The following CARS1 variants were observed in gnomAD, a reference collection of about 807,000 sequenced individuals.
The protein encoded by CARS1 is cysteine--tRNA ligase, cytoplasmic.
Under a neutral mutation model 106.2 loss-of-function variants are expected in CARS1, and 48 were observed. That is an observed-to-expected ratio of 0.45 (90% CI 0.36 to 0.57). The LOEUF (loss-of-function observed/expected upper bound fraction) is 0.57, where lower values mean the gene tolerates loss of function less well. Ranked by LOEUF, CARS1 falls within the 20% of genes least tolerant of loss-of-function variation. The pLI is 0.00. For missense variants in CARS1, 968 were observed against 1,057.2 expected (o/e 0.92, Z 1.17); for synonymous variants, 409 against 403.4 (o/e 1.01, Z -0.17).
At position 3,038,128 on chromosome 11, in the gene CARS1, T is replaced by C. The variant is rs756087860; in HGVS notation, c.723A>G (p.Ala241=). The C allele has an allele frequency of 3.7e-6, 6 of 1,614,150 alleles. No homozygotes were observed. Among genetic ancestry groups the C allele is most frequent in the Admixed American group, 1.7e-5 (1 of 60,036 alleles). ...KKQMLERIQH[A]VQLATEPLEK... ...CAAGTGGCTCTGTGGCAAGCTGCAC[T>C]GCGTGCTGAATCCGTTCGAGCATCT... The change falls in exon 7 of 23, where the codon GCA becomes GCG. Residue 241 remains alanine, a synonymous_variant. Transcript: ENST00000380525. This position sits in a 1 kb window ranked among gnomAD's most constrained non-coding sequence, Gnocchi z 4.0.
rs1176557686 is a variant in CARS1 at position 3,022,070 on chromosome 11, C to G, written c.1154-1738G>C. Among the ~76,000 whole-genome samples, 3 of 152,158 alleles carry G rather than the reference C, an allele frequency of 2.0e-5. No homozygotes were observed. Among genetic ancestry groups the G allele is most frequent in the Non-Finnish European group, 4.4e-5 (3 of 68,026 alleles). On this transcript the variant is annotated intron_variant, in intron 10 of 22. Transcript: ENST00000380525. This position sits in a 1 kb window ranked among gnomAD's most constrained non-coding sequence, Gnocchi z 4.9. ...TGCCCTCATAGGGTTAATGAGAATT[C>G]CAAGGCAGGCTATAGGCAGAATGAT... is the stretch of plus-strand genomic sequence containing the variant.
chr11:3,040,611 T>G lies in CARS1; in HGVS notation c.455+285A>C, dbSNP rs1854318504. ...AGGGATGAGAGAAAACTTTAAGGTA[T>G]GTGAGAAAAAGTGCCCAGGTCGAGT... is the stretch of plus-strand genomic sequence containing the variant. On this transcript the variant is annotated intron_variant, in intron 4 of 22. Transcript: ENST00000380525. This position sits in a 1 kb window ranked among gnomAD's most constrained non-coding sequence, Gnocchi z 5.8. 4 of 601,376 alleles carry G rather than the reference T, an allele frequency of 6.7e-6. No homozygotes were observed. The highest frequency in any genetic ancestry group is 1.2e-5 in the Non-Finnish European group (4 of 322,070). 37.3% of individuals were successfully genotyped at this position (601,376 alleles called of 1,614,324 possible). A position where few individuals can be genotyped will look rare whatever the true frequency, so the allele number is the denominator to read the frequency against.
intron 10 of CARS1, among the ~76,000 whole-genome samples, chr11:3,024,381 C>G (rs1307291935): frequency 5.3e-5 from 8 of 152,146 alleles, no homozygotes; most frequent in African/African-American, 1.7e-4. Flanking sequence ...TTCAACCCCC[C>G]AGACAAGTTT....
At chr11:3,018,031 C>T (rs1851216261) in intron 14 of CARS1, 77 bp from the exon 15 acceptor site, 1 of 896,274 alleles carries the variant, frequency 1.1e-6, no homozygotes, top group South Asian at 1.5e-5. Flanking sequence ...CTTTCTACTG[C>T]TGTGATTTTA....
intron 7 of CARS1, among the ~76,000 whole-genome samples, chr11:3,032,525 C>T (rs1466494576): frequency 6.6e-6 from 1 of 152,124 alleles, no homozygotes; most frequent in East Asian, 1.9e-4. Context: ...TTTAGGACTC[C>T]CAGCTGATGC....
chr11:3,012,280 C>A lies in CARS1; in HGVS notation c.1987-4G>T. ...AGGGCATGACTGTGGCCTCGAGCTG[C>A]GGAAAGAACAGTTTTGGTTCACTGA... On this transcript the variant is annotated splice_region_variant and splice_polypyrimidine_tract_variant and intron_variant, in intron 17 of 22. Coordinates refer to ENST00000380525, the MANE Select transcript of CARS1 (RefSeq NM_001014437.3). 6.2e-7 allele frequency: 1 copy of A among 1,613,934 alleles called. No individual in the cohort carries two copies. The highest frequency in any genetic ancestry group is 8.5e-7 in the Non-Finnish European group (1 of 1,179,792).
intron 20 of CARS1, 41 bp downstream of exon 20, chr11:3,005,325 T>C (rs781248854): frequency 1.2e-5 from 18 of 1,456,498 alleles, no homozygotes; most frequent in Non-Finnish European, 1.6e-5. Context: ...TTTTTACATT[T>C]TCAACAAATA....
intron 19 of CARS1, among the ~76,000 whole-genome samples, chr11:3,005,696 G>A (rs981655700): frequency 2.0e-5 from 3 of 147,160 alleles, no homozygotes; most frequent in Non-Finnish European, 3.0e-5. Context: ...GCAGTGGCAC[G>A]ATCTCAGTTC....
At chr11:3,026,973 GC>G in intron 9 of CARS1, 176 bp from the exon 10 acceptor site, 1 of 676,362 alleles carries the variant, frequency 1.5e-6, no homozygotes, top group Non-Finnish European at 2.3e-6. Flanking sequence ...GGACACCAGG[GC>G]CCATCCCGCT....
At position 3,052,391 on chromosome 11, in the gene CARS1, T is replaced by C. The variant is rs1007537675; in HGVS notation, c.26-4390A>G. Among the ~76,000 whole-genome samples the C allele has an allele frequency of 3.3e-5, 5 of 152,256 alleles. No individual in the cohort carries two copies. The highest frequency in any genetic ancestry group is 2.6e-4 in the Admixed American group (4 of 15,288). ...CAGGGGCCCCATTTGCCATCATTAT[T>C]ATCATAATCGCTCTGGTATTATTAA... On this transcript the variant is annotated intron_variant, in intron 1 of 22. Transcript: ENST00000380525. The surrounding 1 kb of genome is among the most constrained non-coding windows in gnomAD (Gnocchi z 4.6).
At chr11:3,026,830 T>C in intron 9 of CARS1, 33 bp from the exon 10 acceptor site, 1 of 1,595,980 alleles carries the variant, frequency 6.3e-7, no homozygotes, top group East Asian at 2.3e-5. Flanking sequence ...GGTGGGTGCA[T>C]CTAACAGACC....
At chr11:3,049,261 C>A (rs142854866) in intron 1 of CARS1, among the ~76,000 whole-genome samples, 145 of 152,294 alleles carry the variant, frequency 9.5e-4, no homozygotes, top group African/African-American at 3.4e-3. Context: ...ACTACAGGCA[C>A]ATGCCACCAG....
chr11:3,020,512 G>A lies in CARS1; in HGVS notation c.1154-180C>T, dbSNP rs1013800221. 1.3e-5 allele frequency among the ~76,000 whole-genome samples: 2 copies of A among 152,208 alleles called. No individual in the cohort carries two copies. Among genetic ancestry groups the A allele is most frequent in the Non-Finnish European group, 2.9e-5 (2 of 68,040 alleles). On this transcript the variant is annotated intron_variant, in intron 10 of 22. Coordinates refer to ENST00000380525, the MANE Select transcript of CARS1 (RefSeq NM_001014437.3). This position sits in a 1 kb window ranked among gnomAD's most constrained non-coding sequence, Gnocchi z 4.6. The stretch of plus-strand genomic sequence containing the variant: ...ATTACCAGATTCTGGTGTTGACCCA[G>A]TGTCTAGATTTACAAAACGGTACAT...
rs1320835060 is a variant in CARS1, at chr11:3,039,150, A to G, written c.651+44T>C. Reference sequence around the variant, plus strand: ...GTAGCCTACAAAGGACCGAGAACAGAAAGCAAAGGGCTCGGTTTCTAGAGC... The same window carrying G: ...GTAGCCTACAAAGGACCGAGAACAGGAAGCAAAGGGCTCGGTTTCTAGAGC... On this transcript the variant is annotated intron_variant, in intron 6 of 22. Coordinates refer to ENST00000380525, the MANE Select transcript of CARS1 (RefSeq NM_001014437.3). The surrounding 1 kb of genome is among the most constrained non-coding windows in gnomAD (Gnocchi z 5.6). 1.0e-5 allele frequency: 13 copies of G among 1,271,958 alleles called. No homozygotes were observed. The East Asian group carries it at 3.0e-4, about 29-fold the overall frequency. 78.8% of individuals were successfully genotyped at this position (1,271,958 alleles called of 1,614,324 possible). A position where few individuals can be genotyped will look rare whatever the true frequency, so the allele number is the denominator to read the frequency against.
intron 1 of CARS1, among the ~76,000 whole-genome samples, chr11:3,049,255 C>T (rs1264012358): frequency 6.6e-6 from 1 of 152,202 alleles, no homozygotes; most frequent in African/African-American, 2.4e-5. Context: ...GCTGGGACTA[C>T]AGGCACATGC....
Position 3,029,429 on chromosome 11 carries a change from T to G in CARS1, c.816A>C (p.Glu272Asp), listed in dbSNP as rs750992007. 3.7e-6 allele frequency: 6 copies of G among 1,613,980 alleles called. No individual in the cohort carries two copies. Among genetic ancestry groups the G allele is most frequent in the Admixed American group, 1.7e-5 (1 of 60,028 alleles). ...VNSCVEVLLE[E>D]AKDLLSDWLD... ...GCCAGTCAGAGAGCAAATCCTTGGC[T>G]TCTTCCAGCAACACCTGAAGAGAAA... is the stretch of plus-strand genomic sequence containing the variant. The change falls in exon 8 of 23, where the codon GAA (glutamate) becomes GAC (aspartate). Residue 272 changes from glutamate (E) to aspartate (D), a missense_variant. By Grantham distance (45) the Glu-to-Asp change is conservative. Coordinates refer to ENST00000380525, the MANE Select transcript of CARS1 (RefSeq NM_001014437.3). This position sits in a 1 kb window ranked among gnomAD's most constrained non-coding sequence, Gnocchi z 5.9.
Position 3,017,502 on chromosome 11 carries a change from G to T in CARS1, c.1728-207C>A. 1 of 581,900 alleles carries T rather than the reference G, an allele frequency of 1.7e-6. No homozygotes were observed. Among genetic ancestry groups the T allele is most frequent in the Non-Finnish European group, 3.1e-6 (1 of 327,236 alleles). The allele number at this position is 581,900 out of a possible 1,614,324, so 36.0% of individuals were successfully genotyped here. Reference sequence around the variant, plus strand: ...CTACTAAAAATCTGAAATTAGCCAGGTATGGTGGCGCATGCCTGTAACCCC... The same window carrying T: ...CTACTAAAAATCTGAAATTAGCCAGTTATGGTGGCGCATGCCTGTAACCCC... On this transcript the variant is annotated intron_variant, in intron 15 of 22. Coordinates refer to ENST00000380525, the MANE Select transcript of CARS1 (RefSeq NM_001014437.3). This position sits in a 1 kb window ranked among gnomAD's most constrained non-coding sequence, Gnocchi z 4.9.
At position 3,028,827 on chromosome 11, in the gene CARS1, GCCCCTGGGTGGGC is replaced by G; in HGVS notation, c.1031+156_1031+168del. ...GGACAGTGCAGACCCATGCTCCTCA[GCCCCTGGGTGGGC>G]CCAGAGTTGTAGGAGGAAGTCTGCT... On this transcript the variant is annotated intron_variant, in intron 9 of 22. Transcript: ENST00000380525. The surrounding 1 kb of genome is among the most constrained non-coding windows in gnomAD (Gnocchi z 4.4). 1 of 621,152 alleles carries G rather than the reference GCCCCTGGGTGGGC, an allele frequency of 1.6e-6. No individual in the cohort carries two copies. Among genetic ancestry groups the G allele is most frequent in the Non-Finnish European group, 2.9e-6 (1 of 347,584 alleles). 38.5% of individuals were successfully genotyped at this position (621,152 alleles called of 1,614,324 possible). A position where few individuals can be genotyped will look rare whatever the true frequency, so the allele number is the denominator to read the frequency against.
rs1336462601 is a variant in CARS1, at chr11:3,004,896, A to G, written c.2217+470T>C. On this transcript the variant is annotated intron_variant, in intron 20 of 22. Transcript: ENST00000380525. The surrounding 1 kb of genome is among the most constrained non-coding windows in gnomAD (Gnocchi z 5.2). ...GCCAAGGTGGGTGGATCACGAGGTC[A>G]GGAGATTGAGACCAGCCTGACCAAC... is the stretch of plus-strand genomic sequence containing the variant. 6.6e-6 allele frequency among the ~76,000 whole-genome samples: 1 copy of G among 152,194 alleles called. No homozygotes were observed. The highest frequency in any genetic ancestry group is 1.5e-5 in the Non-Finnish European group (1 of 68,032).
Sources: gnomAD v4.1 joint callset for allele counts (sites outside exome capture counted in the v4.1 genomes callset) on GRCh38, gnomAD v4.1.1 for gene constraint, Gnocchi (gnomAD v3.1) non-coding constraint, MANE v1.5 for transcripts, NCBI Gene and HGNC (gene_info 2026-07-23, HGNC 2026-07-21) for gene names.